The following RALGPS2 variants were observed in gnomAD, a reference collection of about 807,000 sequenced individuals.
RALGPS2 encodes ras-specific guanine nucleotide-releasing factor RalGPS2.
A neutral mutation model predicts 86.8 loss-of-function variants in RALGPS2; 43 were observed. The observed-to-expected ratio is 0.50, with a 90% CI of 0.39 to 0.64. RALGPS2 has a LOEUF of 0.64. Ranked by LOEUF, RALGPS2 falls within the 30% of genes least tolerant of loss-of-function variation. RALGPS2 has a pLI of 0.00. For missense variants in RALGPS2, 536 were observed against 694.6 expected, an observed-to-expected ratio of 0.77 and a Z score of 2.57; for synonymous variants, 243 against 231.3, an observed-to-expected ratio of 1.05 and a Z score of -0.46.
intron 8 of RALGPS2, among the ~76,000 whole-genome samples, chr1:178,876,681 G>A (rs1050522750): frequency 6.6e-6 from 1 of 152,090 alleles, no homozygotes; most frequent in Admixed American, 6.5e-5. Flanking sequence ...AAAGTAGGAA[G>A]GTATGTTTTT....
chr1:178,765,159 C>CT (rs536248138), intron 1 of RALGPS2, among the ~76,000 whole-genome samples: 2,173 of 143,464 alleles, frequency 0.015, 36 homozygotes, highest in Middle Eastern at 0.043. Context: ...TCAGGTATGT[C>CT]TTTTTTTTTT....
intron 8 of RALGPS2, chr1:178,851,070 A>G (rs2102290415): frequency 1.4e-6 from 2 of 1,478,054 alleles, no homozygotes; most frequent in Non-Finnish European, 1.8e-6. Context: ...TAACATTTAC[A>G]TTTTTAAGAG....
intron 6 of RALGPS2, among the ~76,000 whole-genome samples, chr1:178,814,752 T>A (rs1366522920): frequency 6.6e-6 from 1 of 152,100 alleles, no homozygotes; most frequent in Non-Finnish European, 1.5e-5. Context: ...ACCTGTCCCC[T>A]CGTCTCTTTA....
chr1:178,907,407 G>T (rs1197020483), intron 19 of RALGPS2, among the ~76,000 whole-genome samples: 1 of 152,160 alleles, frequency 6.6e-6, no homozygotes, highest in Non-Finnish European at 1.5e-5. Flanking sequence ...ATCTTTATTT[G>T]ATCTATTGAC....
intron 18 of RALGPS2, among the ~76,000 whole-genome samples, chr1:178,903,477 T>C (rs563350339): frequency 5.3e-5 from 8 of 151,212 alleles, no homozygotes; most frequent in African/African-American, 1.7e-4. Context: ...GCACTCTGTT[T>C]GTAGTCTTTT....
intron 18 of RALGPS2, 89 bp downstream of exon 18, chr1:178,902,300 T>C (rs1660211659): frequency 9.6e-7 from 1 of 1,037,858 alleles, no homozygotes; most frequent in Admixed American, 1.9e-5. Context: ...ACTTGTCATA[T>C]ATATAATGTT....
At chr1:178,819,283 A>G (rs1271193032) in intron 6 of RALGPS2, among the ~76,000 whole-genome samples, 2 of 152,122 alleles carry the variant, frequency 1.3e-5, no homozygotes, top group African/African-American at 2.4e-5. Flanking sequence ...GTGAGTCACC[A>G]TGGCTGGCCT....
At chr1:178,824,753 G>T (rs1327787141) in intron 7 of RALGPS2, among the ~76,000 whole-genome samples, 1 of 152,020 alleles carries the variant, frequency 6.6e-6, no homozygotes, top group African/African-American at 2.4e-5. Flanking sequence ...AGCTTGCAGT[G>T]AGCCGAGATC....
intron 1 of RALGPS2, among the ~76,000 whole-genome samples, chr1:178,765,460 A>T (rs1652456297): frequency 6.6e-6 from 1 of 152,188 alleles, no homozygotes; most frequent in Admixed American, 6.5e-5. Context: ...TGGGTCACAG[A>T]GATCACATGC....
intron 8 of RALGPS2, among the ~76,000 whole-genome samples, chr1:178,860,593 C>T (rs1476262678): frequency 1.3e-5 from 2 of 152,144 alleles, no homozygotes; most frequent in Non-Finnish European, 2.9e-5. Context: ...TTAAACAACT[C>T]CCCATTCACC....
intron 1 of RALGPS2, among the ~76,000 whole-genome samples, chr1:178,758,338 A>C (rs1652054254): frequency 6.6e-6 from 1 of 152,122 alleles, no homozygotes; most frequent in Non-Finnish European, 1.5e-5. Context: ...AGTGCGTAAT[A>C]ATCATCTCGT....
chr1:178,798,057 T>A (rs1259936021), intron 4 of RALGPS2, among the ~76,000 whole-genome samples: 1 of 149,806 alleles, frequency 6.7e-6, no homozygotes, highest in African/African-American at 2.5e-5. Context: ...ATGGCGTGAA[T>A]GTATAAAATA....
At chr1:178,865,011 C>A in intron 8 of RALGPS2, 1 of 1,473,478 alleles carries the variant, frequency 6.8e-7, no homozygotes, top group Non-Finnish European at 9.0e-7. Context: ...GGAGAAGTTG[C>A]CAGATCAGGT....
chr1:178,759,183 G>T (rs556488172), intron 1 of RALGPS2, among the ~76,000 whole-genome samples: 8 of 152,210 alleles, frequency 5.3e-5, no homozygotes, highest in Non-Finnish European at 1.2e-4. Context: ...GTGTTTTCTT[G>T]TAGTAGTTTC....
intron 1 of RALGPS2, among the ~76,000 whole-genome samples, chr1:178,771,639 T>G (rs1471068789): frequency 6.6e-6 from 1 of 152,224 alleles, no homozygotes; most frequent in Non-Finnish European, 1.5e-5. Flanking sequence ...TTTACTTTTT[T>G]CTAATTAATG....
intron 1 of RALGPS2, among the ~76,000 whole-genome samples, chr1:178,770,745 G>A (rs746635950): frequency 4.6e-5 from 7 of 151,238 alleles, no homozygotes; most frequent in Non-Finnish European, 7.4e-5. Flanking sequence ...CCAAAGTGTT[G>A]GAATTACAGG....
At chr1:178,733,454 A>G (rs1158282097) in intron 1 of RALGPS2, among the ~76,000 whole-genome samples, 2 of 152,264 alleles carry the variant, frequency 1.3e-5, no homozygotes, top group Non-Finnish European at 2.9e-5. Flanking sequence ...TCAGATGGCC[A>G]AGGTTAAAAA....
At chr1:178,908,318 T>G (rs1314301011) in intron 19 of RALGPS2, among the ~76,000 whole-genome samples, 2 of 152,270 alleles carry the variant, frequency 1.3e-5, no homozygotes, top group East Asian at 3.8e-4. Context: ...TACCACATTT[T>G]CTTTATCCAA....
In RALGPS2 at chr1:178,835,391, T is replaced by TC. The variant is rs1177727091; in HGVS notation, c.607+1842dup. Among the ~76,000 whole-genome samples the TC allele has an allele frequency of 8.6e-4, 127 of 148,122 alleles. 1 individual carries two copies. Among genetic ancestry groups the TC allele is most frequent in the African/African-American group, 2.6e-3 (105 of 39,892 alleles). On this transcript the variant is annotated intron_variant, in intron 8 of 19. Coordinates refer to ENST00000367635, the MANE Select transcript of RALGPS2 (RefSeq NM_152663.5). ...GAGCATTGTGATATCTTCTTTCTTT[T>TC]CTTTTTTTTTTTTTTTTTTGCGACA...
Sources: gnomAD v4.1 joint callset for allele counts (sites outside exome capture counted in the v4.1 genomes callset) on GRCh38, gnomAD v4.1.1 for gene constraint, MANE v1.5 for transcripts, NCBI Gene and HGNC (gene_info 2026-07-23, HGNC 2026-07-21) for gene names.